Variants in FBXO34 observed in about 807,000 individuals in gnomAD.
FBXO34 encodes the protein F-box protein 34, also known as F-box only protein 34.
FBXO34 carries 12 observed loss-of-function variants against 24.5 expected under a neutral mutation model. That is an observed-to-expected ratio of 0.49 (90% CI 0.31 to 0.79). The LOEUF is 0.79. Among genes scored for constraint, FBXO34 ranks in the 30% least tolerant of loss-of-function variants. The pLI is 0.04. For missense variants in FBXO34, 823 were observed against 857.7 expected (o/e 0.96, Z 0.51); for synonymous variants, 320 against 311.9 (o/e 1.03, Z -0.27).
At chr14:55,348,381 G>A (rs773185530) in intron 1 of FBXO34, among the ~76,000 whole-genome samples, 6 of 152,094 alleles carry the variant, frequency 3.9e-5, no homozygotes, top group Admixed American at 1.3e-4. Flanking sequence ...GGCACGTGCC[G>A]TCACACCTGG....
the FBXO34 span, among the ~76,000 whole-genome samples, chr14:55,377,118 G>A: frequency 8.5e-5 from 13 of 152,146 alleles, no homozygotes; most frequent in African/African-American, 2.9e-4. Context: ...AAGCCGAAGC[G>A]GGTGGATCAC....
At chr14:55,381,072 C>T in the FBXO34 span, among the ~76,000 whole-genome samples, 1 of 151,876 alleles carries the variant, frequency 6.6e-6, no homozygotes, top group African/African-American at 2.4e-5. Context: ...TTCCTCTGTA[C>T]CCCATCCTGC....
At chr14:55,275,811 G>GA (rs2139623970) in intron 1 of FBXO34, among the ~76,000 whole-genome samples, 1 of 124,178 alleles carries the variant, frequency 8.1e-6, no homozygotes, top group South Asian at 2.9e-4. Context: ...GTGACAGAGC[G>GA]AGACTCTGTC....
chr14:55,322,442 T>TCTC (rs1883171860), intron 1 of FBXO34, among the ~76,000 whole-genome samples: 1 of 152,178 alleles, frequency 6.6e-6, no homozygotes, highest in Non-Finnish European at 1.5e-5. Flanking sequence ...GTATTGTCTC[T>TCTC]CTCCTCCCCC....
the FBXO34 span, among the ~76,000 whole-genome samples, chr14:55,409,898 A>G: frequency 2.0e-5 from 3 of 152,252 alleles, no homozygotes; most frequent in East Asian, 3.8e-4. Context: ...AAGCAGAGAC[A>G]TAAGAGGAAA....
the FBXO34 span, among the ~76,000 whole-genome samples, chr14:55,427,868 T>C: frequency 6.7e-6 from 1 of 149,296 alleles, no homozygotes; most frequent in Non-Finnish European, 1.5e-5. Context: ...GGGGACAAAC[T>C]AGTTAGGATT....
At chr14:55,370,293 A>C (rs1259242653), downstream of FBXO34, among the ~76,000 whole-genome samples, 1 of 152,214 alleles carries the variant, frequency 6.6e-6, no homozygotes, top group African/African-American at 2.4e-5. Flanking sequence ...CCAATGAGAC[A>C]ATTCTAACAA....
the FBXO34 span, among the ~76,000 whole-genome samples, chr14:55,401,924 C>G: frequency 6.6e-6 from 1 of 152,180 alleles, no homozygotes; most frequent in African/African-American, 2.4e-5. Context: ...CATTTCAACA[C>G]GCCAAGTGGG....
At chr14:55,359,986 G>A (rs1884572020) in intron 3 of FBXO34, among the ~76,000 whole-genome samples, 1 of 152,012 alleles carries the variant, frequency 6.6e-6, no homozygotes, top group Non-Finnish European at 1.5e-5. Flanking sequence ...GCGCTGAGGT[G>A]AGAGGATCAC....
the FBXO34 span, among the ~76,000 whole-genome samples, chr14:55,421,074 A>G: frequency 2.0e-5 from 3 of 151,000 alleles, no homozygotes; most frequent in East Asian, 1.9e-4. Flanking sequence ...AAAAAAAAAA[A>G]AAAAGAAAAA....
At chr14:55,378,406 T>C in the FBXO34 span, among the ~76,000 whole-genome samples, 1 of 152,234 alleles carries the variant, frequency 6.6e-6, no homozygotes, top group Non-Finnish European at 1.5e-5. Flanking sequence ...TTGACACCTT[T>C]ACAGAAAGGC....
Position 55,350,821 on chromosome 14 carries a change from A to T in FBXO34, c.431A>T (p.Asp144Val). 6.2e-7 allele frequency: 1 copy of T among 1,612,076 alleles called. No homozygotes were observed. The highest frequency in any genetic ancestry group is 1.3e-5 in the African/African-American group (1 of 74,816). ...AAAATAAAAAGTTCCTGGGATATTG[A>T]TGGGAGAGCTACTAAGAGAAGGAAA... ...SMKIKSSWDI[D>V]GRATKRRKKS... The change falls in exon 2 of 2, where the codon GAT (aspartate) becomes GTT (valine). Residue 144 changes from aspartate to valine, a missense_variant. Asp to Val is a radical substitution (Grantham distance 152, BLOSUM62 -3). Transcript: ENST00000313833.
intron 1 of FBXO34, among the ~76,000 whole-genome samples, chr14:55,323,572 G>C (rs570041955): frequency 3.6e-4 from 55 of 151,828 alleles, no homozygotes; most frequent in African/African-American, 1.3e-3. Flanking sequence ...TAGTAGAGAC[G>C]GAGTTTCACT....
chr14:55,350,333 TA>T (rs1566567059), intron 1 of FBXO34, 47 bp from the exon 2 acceptor site: 1 of 1,405,344 alleles, frequency 7.1e-7, no homozygotes, highest in Non-Finnish European at 9.4e-7. Context: ...CATTTTTTTC[TA>T]AAAACAAAAT....
intron 1 of FBXO34, among the ~76,000 whole-genome samples, chr14:55,337,267 C>T (rs1034767641): frequency 1.3e-5 from 2 of 152,008 alleles, no homozygotes; most frequent in African/African-American, 4.8e-5. Flanking sequence ...AGCCACTGCA[C>T]CTGGTCCATG....
At chr14:55,358,400 C>G (rs1884550319), downstream of FBXO34, among the ~76,000 whole-genome samples, 1 of 152,056 alleles carries the variant, frequency 6.6e-6, no homozygotes, top group Non-Finnish European at 1.5e-5. Context: ...TTTGCAGGGC[C>G]CATGGCAGGA....
At chr14:55,410,198 A>G in the FBXO34 span, among the ~76,000 whole-genome samples, 2 of 152,216 alleles carry the variant, frequency 1.3e-5, no homozygotes, top group African/African-American at 4.8e-5. Flanking sequence ...TAAAATGAAG[A>G]TATCTATTAC....
At position 55,351,397 on chromosome 14, in the gene FBXO34, C is replaced by T; in HGVS notation, c.1007C>T (p.Pro336Leu). The T allele has an allele frequency of 6.2e-7, 1 of 1,614,194 alleles. No individual in the cohort carries two copies. Residue 336 changes from proline to leucine, a missense_variant, in exon 2 of 2, where the codon CCT becomes CTT. Physicochemically the swap from Pro to Leu is moderately conservative, Grantham distance 98. Coordinates refer to ENST00000313833, the MANE Select transcript of FBXO34 (RefSeq NM_017943.4). The stretch of plus-strand genomic sequence containing the variant: ...ACAAAGAAAGGCGTCTTGGAGGCAC[C>T]TGACACTCAGGTGAATCCTGTGGGG... ...GKTKKGVLEAPDTQVNPVGSV... is the reference protein window; with the variant it reads ...GKTKKGVLEALDTQVNPVGSV...
intron 1 of FBXO34, among the ~76,000 whole-genome samples, chr14:55,290,149 T>G (rs1269904624): frequency 6.6e-6 from 1 of 152,088 alleles, no homozygotes; most frequent in Non-Finnish European, 1.5e-5. Flanking sequence ...CCCAGCACTT[T>G]GGGAGGCTGA....
Sources: gnomAD v4.1 joint callset for allele counts (sites outside exome capture counted in the v4.1 genomes callset) on GRCh38, gnomAD v4.1.1 for gene constraint, MANE v1.5 for transcripts, NCBI Gene and HGNC (gene_info 2026-07-23, HGNC 2026-07-21) for gene names.